SCAF8: variants seen among roughly 807,000 people sequenced by gnomAD.
SCAF8 encodes the protein SR-related CTD associated factor 8.
SCAF8 carries 23 observed loss-of-function variants against 140.5 expected under a neutral mutation model. The ratio of observed to expected loss-of-function variants is 0.16; its 90% CI spans 0.12 to 0.23. The LOEUF (loss-of-function observed/expected upper bound fraction) is 0.23. Among genes scored for constraint, SCAF8 ranks in the 10% least tolerant of loss-of-function variants. The pLI, the probability that SCAF8 is intolerant of heterozygous loss-of-function variation, is 1.00. For missense variants in SCAF8, 1,397 were observed against 1,555.7 expected, an observed-to-expected ratio of 0.90 and a Z score of 1.72; for synonymous variants, 575 against 528.9, an observed-to-expected ratio of 1.09 and a Z score of -1.20.
At position 154,803,637 on chromosome 6, in the gene SCAF8, C is replaced by T; in HGVS notation, c.863+14C>T. 1 of 1,548,374 alleles carries T rather than the reference C, an allele frequency of 6.5e-7. No homozygotes were observed. Among genetic ancestry groups the T allele is most frequent in the Non-Finnish European group, 8.9e-7 (1 of 1,123,416 alleles). On this transcript the variant is annotated intron_variant, in intron 8 of 19. Transcript: ENST00000367178. ...AGCTTCACAACTGTAAGAATTTTTTCTTTATAGCCATAGTTTTTTTATATT... is the reference window on the plus strand; with the variant it reads ...AGCTTCACAACTGTAAGAATTTTTTTTTTATAGCCATAGTTTTTTTATATT...
chr6:154,831,683 T>C (rs1280589205), intron 19 of SCAF8, among the ~76,000 whole-genome samples: 3 of 117,238 alleles, frequency 2.6e-5, no homozygotes, highest in Non-Finnish European at 4.9e-5. Flanking sequence ...TAAAGCCTTT[T>C]AAACCTCCAC....
rs765944517 is a variant in SCAF8 at position 154,777,364 on chromosome 6, A to G, written c.115-637A>G. Among the ~76,000 whole-genome samples, 110 of 152,182 alleles carry G rather than the reference A, an allele frequency of 7.2e-4. 2 individuals carry two copies. Among genetic ancestry groups the G allele is most frequent in the Non-Finnish European group, 2.9e-4 (20 of 68,032 alleles). On this transcript the variant is annotated intron_variant, in intron 2 of 19. Transcript: ENST00000367178. ...TAGTGCTATATTTTATGAAACTTAA[A>G]TCTTCTAAGTTTTCTTAAAATTGAT...
chr6:154,808,348 C>G, intron 10 of SCAF8, 147 bp downstream of exon 10: 1 of 846,384 alleles, frequency 1.2e-6, no homozygotes, highest in Non-Finnish European at 1.8e-6. Flanking sequence ...CCAAGCTTGT[C>G]CAAGGCCTAA....
chr6:154,792,181 G>A (rs1317114661), intron 4 of SCAF8, among the ~76,000 whole-genome samples: 1 of 151,976 alleles, frequency 6.6e-6, no homozygotes, highest in African/African-American at 2.4e-5. Flanking sequence ...TAAAGAAGAG[G>A]GAATGAAGAG....
At chr6:154,819,421 C>G (rs941310131) in intron 14 of SCAF8, among the ~76,000 whole-genome samples, 2 of 151,990 alleles carry the variant, frequency 1.3e-5, no homozygotes, top group Non-Finnish European at 2.9e-5. Flanking sequence ...GAGACCTCAT[C>G]TCTACAAAAC....
intron 3 of SCAF8, among the ~76,000 whole-genome samples, chr6:154,784,553 G>GA (rs1006113441): frequency 5.3e-5 from 8 of 152,062 alleles, no homozygotes; most frequent in South Asian, 2.1e-4. Context: ...AAAATTTGGG[G>GA]AAAAAATATT....
intron 6 of SCAF8, among the ~76,000 whole-genome samples, chr6:154,796,357 CTCT>C (rs1562450807): frequency 5.2e-4 from 59 of 113,404 alleles, no homozygotes; most frequent in South Asian, 4.2e-3. Context: ...ATCCTGTTCT[CTCT>C]CTCTCTCTCT....
At chr6:154,742,016 A>G (rs1255882995) in intron 1 of SCAF8, 6 of 1,531,600 alleles carry the variant, frequency 3.9e-6, no homozygotes, top group Non-Finnish European at 4.4e-6. Context: ...CACAAGAAGC[A>G]TAGTAAGATG....
At chr6:154,796,389 C>CTCTCTCTCTCTCTCTCTCTGTCCG (rs376622207) in intron 6 of SCAF8, among the ~76,000 whole-genome samples, 3 of 140,968 alleles carry the variant, frequency 2.1e-5, no homozygotes, top group African/African-American at 8.3e-5. Context: ...CTCTCTCTCT[C>CTCTCTCTCTCTCTCTCTCTGTCCG]TCTGTCTCTC....
intron 8 of SCAF8, among the ~76,000 whole-genome samples, chr6:154,804,451 T>C (rs1250114379): frequency 1.3e-5 from 2 of 152,202 alleles, no homozygotes; most frequent in Non-Finnish European, 2.9e-5. Context: ...ACAGTCCTGA[T>C]GATACAGTTT....
chr6:154,758,875 C>G (rs1779030611), intron 1 of SCAF8, among the ~76,000 whole-genome samples: 1 of 152,196 alleles, frequency 6.6e-6, no homozygotes, highest in Non-Finnish European at 1.5e-5. Flanking sequence ...TCCTCTACAG[C>G]ATGGAGGAGT....
intron 4 of SCAF8, among the ~76,000 whole-genome samples, chr6:154,789,876 T>C (rs1054266890): frequency 6.6e-6 from 1 of 152,232 alleles, no homozygotes; most frequent in African/African-American, 2.4e-5. Flanking sequence ...CCTGTCATAA[T>C]TGATTTTTAA....
At chr6:154,827,071 C>T in intron 17 of SCAF8, 101 bp from the exon 18 acceptor site, 1 of 926,162 alleles carries the variant, frequency 1.1e-6, no homozygotes, top group Non-Finnish European at 1.7e-6. Context: ...GGTTGTAGTC[C>T]ATTTTAAGAA....
intron 4 of SCAF8, among the ~76,000 whole-genome samples, chr6:154,789,582 T>G (rs1032853365): frequency 2.7e-5 from 4 of 146,250 alleles, no homozygotes; most frequent in Admixed American, 2.0e-4. Flanking sequence ...GTCTTGCTCT[T>G]TCACCCAGGC....
At chr6:154,735,003 A>C (rs990288318) in intron 1 of SCAF8, among the ~76,000 whole-genome samples, 2 of 152,126 alleles carry the variant, frequency 1.3e-5, no homozygotes, top group Non-Finnish European at 2.9e-5. Flanking sequence ...AGGCACCTGT[A>C]ATCCCAGCTA....
chr6:154,775,809 T>A (rs1226536722), intron 2 of SCAF8, among the ~76,000 whole-genome samples: 2 of 151,890 alleles, frequency 1.3e-5, no homozygotes, highest in Admixed American at 6.5e-5. Context: ...TATATTTTAT[T>A]ATTTTGACTT....
intron 1 of SCAF8, among the ~76,000 whole-genome samples, chr6:154,759,323 G>A (rs1416921010): frequency 6.6e-6 from 1 of 152,168 alleles, no homozygotes; most frequent in Non-Finnish European, 1.5e-5. Context: ...TGAATTAAAG[G>A]ACTTATGCAG....
At chr6:154,753,422 G>A (rs1280641258) in intron 1 of SCAF8, among the ~76,000 whole-genome samples, 1 of 152,016 alleles carries the variant, frequency 6.6e-6, no homozygotes, top group Non-Finnish European at 1.5e-5. Context: ...AGCCAAGATC[G>A]TGCCATTGCA....
intron 1 of SCAF8, among the ~76,000 whole-genome samples, chr6:154,770,072 A>G (rs1776692003): frequency 6.6e-6 from 1 of 152,244 alleles, no homozygotes; most frequent in African/African-American, 2.4e-5. Context: ...AATAAAGGGC[A>G]TGAATATATT....
Sources: allele counts gnomAD v4.1 joint callset (sites outside exome capture counted in the v4.1 genomes callset), GRCh38; gene constraint gnomAD v4.1.1; transcripts MANE v1.5; gene names NCBI Gene and HGNC (gene_info 2026-07-23, HGNC 2026-07-21).